Variants in SLC35D4 observed in about 807,000 individuals in gnomAD.
SLC35D4 encodes UDP-N-acetylglucosamine transporter SLC35D4.
chr18:23,421,511 G>T, the SLC35D4 span: 7 of 1,435,958 alleles, frequency 4.9e-6, no homozygotes, highest in Non-Finnish European at 6.9e-6. Context: ...TCCAGCCCCA[G>T]CAGATCTGCT....
the SLC35D4 span, among the ~76,000 whole-genome samples, chr18:23,381,656 G>A: frequency 3.9e-5 from 6 of 152,204 alleles, no homozygotes; most frequent in African/African-American, 1.4e-4. Context: ...TTTTGTGTTA[G>A]TGATGAAATG....
At chr18:23,244,761 G>A in the SLC35D4 span, among the ~76,000 whole-genome samples, 15 of 152,164 alleles carry the variant, frequency 9.9e-5, no homozygotes, top group Admixed American at 9.8e-4. Context: ...GTGGAACCAA[G>A]GCTTGCAGCG....
chr18:23,271,876 TC>T, the SLC35D4 span, among the ~76,000 whole-genome samples: 1 of 152,200 alleles, frequency 6.6e-6, no homozygotes, highest in African/African-American at 2.4e-5. Flanking sequence ...ATGTGGAGTT[TC>T]CTGGAAGGTT....
the SLC35D4 span, among the ~76,000 whole-genome samples, chr18:23,351,276 G>A: frequency 5.9e-4 from 89 of 151,964 alleles, no homozygotes; most frequent in African/African-American, 2.0e-3. Context: ...GTGTGGTGGC[G>A]CACACCTGTA....
the SLC35D4 span, among the ~76,000 whole-genome samples, chr18:23,378,807 T>A: frequency 6.6e-6 from 1 of 151,896 alleles, no homozygotes; most frequent in Non-Finnish European, 1.5e-5. Flanking sequence ...GTGTGAAGTA[T>A]GAACATATTG....
the SLC35D4 span, chr18:23,371,408 C>CT: frequency 1.3e-6 from 2 of 1,563,696 alleles, no homozygotes; most frequent in East Asian, 4.8e-5. Context: ...CATAATAATT[C>CT]TTTTAAAACT....
At chr18:23,433,824 T>C in the SLC35D4 span, among the ~76,000 whole-genome samples, 1 of 151,442 alleles carries the variant, frequency 6.6e-6, no homozygotes, top group Admixed American at 6.6e-5. Context: ...TAAACTGAAA[T>C]GGAGGCTTCA....
chr18:23,354,519 CAA>C, the SLC35D4 span, among the ~76,000 whole-genome samples: 6 of 104,184 alleles, frequency 5.8e-5, no homozygotes, highest in Admixed American at 1.1e-4. Flanking sequence ...GATTCCGTCT[CAA>C]AAAAAAAAAA....
chr18:23,370,883 G>C, the SLC35D4 span, among the ~76,000 whole-genome samples: 4 of 152,238 alleles, frequency 2.6e-5, no homozygotes, highest in Non-Finnish European at 4.4e-5. Context: ...TCACGAAAAA[G>C]AGGAAAGTAT....
the SLC35D4 span, among the ~76,000 whole-genome samples, chr18:23,387,441 G>A: frequency 1.4e-4 from 22 of 152,152 alleles, no homozygotes; most frequent in Admixed American, 8.5e-4. Context: ...ACCTTGATGA[G>A]TGGCTCAGCA....
At chr18:23,388,495 C>T in the SLC35D4 span, among the ~76,000 whole-genome samples, 1 of 152,210 alleles carries the variant, frequency 6.6e-6, no homozygotes, top group African/African-American at 2.4e-5. Flanking sequence ...GCCTGTCTAA[C>T]AGCAAAGCCC....
chr18:23,371,364 G>T, the SLC35D4 span: 5 of 1,388,212 alleles, frequency 3.6e-6, no homozygotes, highest in South Asian at 6.0e-5. Flanking sequence ...CAAAGTGCTG[G>T]GATTCCAGGT....
the SLC35D4 span, chr18:23,421,378 G>A: frequency 2.5e-6 from 4 of 1,614,054 alleles, no homozygotes; most frequent in Admixed American, 3.3e-5. Flanking sequence ...TTGAACTGCT[G>A]TTGATCTCTA....
the SLC35D4 span, among the ~76,000 whole-genome samples, chr18:23,353,075 C>CTGTGTGTGTGTGTG: frequency 1.2e-4 from 8 of 65,058 alleles, no homozygotes; most frequent in African/African-American, 4.5e-4. Context: ...GTGAGACAGA[C>CTGTGTGTGTGTGTG]AGTGTGTGTG....
At chr18:23,247,288 C>G in the SLC35D4 span, among the ~76,000 whole-genome samples, 1 of 152,238 alleles carries the variant, frequency 6.6e-6, no homozygotes, top group Non-Finnish European at 1.5e-5. Flanking sequence ...CTCAGAAGGA[C>G]CTGCAGCTGA....
At chr18:23,404,005 C>G in the SLC35D4 span, among the ~76,000 whole-genome samples, 1 of 152,036 alleles carries the variant, frequency 6.6e-6, no homozygotes, top group African/African-American at 2.4e-5. Context: ...GTAGTCCCAG[C>G]TGCTCGGGAG....
the SLC35D4 span, among the ~76,000 whole-genome samples, chr18:23,291,643 C>G: frequency 6.6e-6 from 1 of 152,180 alleles, no homozygotes. Context: ...TGCCTGGCCT[C>G]TCCTGCACAA....
At chr18:23,275,406 G>A in the SLC35D4 span, among the ~76,000 whole-genome samples, 138 of 152,310 alleles carry the variant, frequency 9.1e-4, no homozygotes, top group African/African-American at 3.1e-3. Flanking sequence ...GGCTACTCAA[G>A]GACCATGAAC....
At chr18:23,332,687 T>G in the SLC35D4 span, among the ~76,000 whole-genome samples, 1 of 151,880 alleles carries the variant, frequency 6.6e-6, no homozygotes, top group Admixed American at 6.6e-5. Context: ...TAAACACCAG[T>G]GTAGCACTTC....
Sources: allele counts gnomAD v4.1 joint callset (sites outside exome capture counted in the v4.1 genomes callset), GRCh38; gene constraint gnomAD v4.1.1; transcripts MANE v1.5; gene names NCBI Gene and HGNC (gene_info 2026-07-23, HGNC 2026-07-21).